Variants in PEAK1 observed in about 807,000 individuals in gnomAD.
PEAK1 encodes inactive tyrosine-protein kinase PEAK1.
In PEAK1, 54 loss-of-function variants were observed where a neutral mutation model predicts 124.7. The ratio of observed to expected loss-of-function variants is 0.43; its 90% CI spans 0.35 to 0.54. PEAK1 has a LOEUF of 0.54. Ranked by LOEUF, PEAK1 falls within the 20% of genes least tolerant of loss-of-function variation. The pLI is 0.01. For synonymous variants in PEAK1, 719 were observed against 760.0 expected (o/e 0.95, Z 0.89); for missense variants, 2,046 against 2,134.5 (o/e 0.96, Z 0.82).
At chr15:77,331,985 C>A (rs2065915511) in intron 2 of PEAK1, 1 of 163,066 alleles carries the variant, frequency 6.1e-6, no homozygotes, top group South Asian at 2.0e-4. Flanking sequence ...ACCTGTAATC[C>A]CAGCACTTTG....
chr15:77,104,961 C>G (rs1049125398), downstream of PEAK1: 1 of 152,368 alleles, frequency 6.6e-6, no homozygotes, highest in South Asian at 2.1e-4. Flanking sequence ...CATCTCAGCT[C>G]TTCAAGGCAT....
chr15:77,153,139 A>G (rs2054803869), intron 8 of PEAK1, among the ~76,000 whole-genome samples: 1 of 152,102 alleles, frequency 6.6e-6, no homozygotes, highest in South Asian at 2.1e-4. Flanking sequence ...TTGGTTAGTA[A>G]GCTATTGATT....
intron 6 of PEAK1, among the ~76,000 whole-genome samples, chr15:77,216,292 T>A (rs771842151): frequency 6.6e-6 from 1 of 152,196 alleles, no homozygotes; most frequent in Non-Finnish European, 1.5e-5. Context: ...AAAATGTGTA[T>A]TATGGAAAAA....
intron 6 of PEAK1, among the ~76,000 whole-genome samples, chr15:77,232,474 T>C (rs557416000): frequency 2.0e-5 from 3 of 152,310 alleles, no homozygotes; most frequent in African/African-American, 7.2e-5. Flanking sequence ...ACCAATCTTC[T>C]AGTCTTCTCA....
At chr15:77,403,728 A>C (rs1274632422) in intron 1 of PEAK1, 1 of 951,216 alleles carries the variant, frequency 1.1e-6, no homozygotes, top group East Asian at 1.1e-4. Context: ...GATTATCTCC[A>C]TCTTACAGGA....
At chr15:77,407,055 A>C (rs1454072191) in intron 1 of PEAK1, among the ~76,000 whole-genome samples, 1 of 152,226 alleles carries the variant, frequency 6.6e-6, no homozygotes, top group Non-Finnish European at 1.5e-5. Flanking sequence ...GGTGCGGGGT[A>C]ATTAGCTAGC....
At chr15:77,196,779 A>G (rs1478347518) in intron 6 of PEAK1, among the ~76,000 whole-genome samples, 1 of 152,168 alleles carries the variant, frequency 6.6e-6, no homozygotes, top group Non-Finnish European at 1.5e-5. Flanking sequence ...ATAATAGAAA[A>G]TGTGATTTTT....
chr15:77,161,806 A>G (rs568316099), intron 7 of PEAK1, among the ~76,000 whole-genome samples: 1 of 152,112 alleles, frequency 6.6e-6, no homozygotes, highest in Non-Finnish European at 1.5e-5. Flanking sequence ...TCTCTACTAA[A>G]AATACAAAAA....
intron 6 of PEAK1, among the ~76,000 whole-genome samples, chr15:77,208,934 A>G (rs893588471): frequency 1.6e-4 from 24 of 152,310 alleles, no homozygotes; most frequent in Admixed American, 3.9e-4. Context: ...TAAAACATAG[A>G]TGTTATCTAA....
chr15:77,355,099 T>C (rs1168679454), intron 2 of PEAK1, among the ~76,000 whole-genome samples: 1 of 147,726 alleles, frequency 6.8e-6, no homozygotes, highest in Non-Finnish European at 1.5e-5. Flanking sequence ...TGAAAATAAA[T>C]AAGAAACACT....
chr15:77,405,637 A>G (rs2071757214), intron 1 of PEAK1, among the ~76,000 whole-genome samples: 1 of 152,178 alleles, frequency 6.6e-6, no homozygotes, highest in African/African-American at 2.4e-5. Flanking sequence ...CCAGACGCTG[A>G]AGGCCCATAG....
At chr15:77,150,811 T>A (rs138024251) in intron 8 of PEAK1, among the ~76,000 whole-genome samples, 1,776 of 152,216 alleles carry the variant, frequency 0.012, 44 homozygotes, top group African/African-American at 0.04. Flanking sequence ...TGGTTTCCAA[T>A]TTCATCCGTG....
At chr15:77,296,797 T>G (rs1433763336) in intron 2 of PEAK1, among the ~76,000 whole-genome samples, 1 of 151,610 alleles carries the variant, frequency 6.6e-6, no homozygotes, top group Non-Finnish European at 1.5e-5. Context: ...GAGGCCCATA[T>G]TTTTCTTTTA....
At chr15:77,229,337 T>C (rs2059807343) in intron 6 of PEAK1, among the ~76,000 whole-genome samples, 1 of 152,214 alleles carries the variant, frequency 6.6e-6, no homozygotes, top group Non-Finnish European at 1.5e-5. Context: ...CTAGGTATGA[T>C]TTTGTTTCCA....
Position 77,344,037 on chromosome 15 carries a change from C to T in PEAK1, c.-603+21126G>A, listed in dbSNP as rs185843220. 3.9e-4 allele frequency among the ~76,000 whole-genome samples: 59 copies of T among 152,240 alleles called. 1 individual carries two copies. The highest frequency in any genetic ancestry group is 3.4e-3 in the Middle Eastern group (1 of 294). On this transcript the variant is annotated intron_variant, in intron 2 of 9. Transcript: ENST00000682557. ...CTGTCCTTTCCTCATTGAATGGTCTCGCCACCCTTGTTGAAAATCATTTGA... is the reference window on the plus strand; with the variant it reads ...CTGTCCTTTCCTCATTGAATGGTCTTGCCACCCTTGTTGAAAATCATTTGA...
exon 7 of PEAK1, chr15:77,102,813 T>A (rs998696322): frequency 4.6e-5 from 7 of 152,174 alleles, no homozygotes; most frequent in African/African-American, 1.7e-4. Context: ...GCCTTCAATT[T>A]CAAAAATTTC....
At chr15:77,377,310 A>G (rs755648964) in intron 1 of PEAK1, among the ~76,000 whole-genome samples, 1 of 152,130 alleles carries the variant, frequency 6.6e-6, no homozygotes, top group South Asian at 2.1e-4. Context: ...CTTAAGCCAG[A>G]AAGGTGGAGT....
At chr15:77,155,313 C>T (rs924056767) in intron 8 of PEAK1, 4 of 152,230 alleles carry the variant, frequency 2.6e-5, no homozygotes, top group African/African-American at 4.8e-5. Context: ...ACATAGTTCT[C>T]GAGTCTTAGC....
intron 6 of PEAK1, among the ~76,000 whole-genome samples, chr15:77,199,135 A>G (rs1392527552): frequency 6.6e-6 from 1 of 152,230 alleles, no homozygotes; most frequent in Non-Finnish European, 1.5e-5. Flanking sequence ...AAGAGAAATG[A>G]TAAGCCCCAG....
Sources: gnomAD v4.1 joint callset for allele counts (sites outside exome capture counted in the v4.1 genomes callset) on GRCh38, gnomAD v4.1.1 for gene constraint, MANE v1.5 for transcripts, NCBI Gene and HGNC (gene_info 2026-07-23, HGNC 2026-07-21) for gene names.